Variants in STAG2 observed in about 807,000 individuals in gnomAD.
STAG2 encodes STAG2 cohesin complex component.
A neutral mutation model predicts 108.1 loss-of-function variants in STAG2; 14 were observed. The ratio of observed to expected loss-of-function variants is 0.13; its 90% CI spans 0.09 to 0.20. The LOEUF (loss-of-function observed/expected upper bound fraction) is 0.20, where lower values mean the gene tolerates loss of function less well. Among genes scored for constraint, STAG2 ranks in the 10% least tolerant of loss-of-function variants. The pLI, the probability that STAG2 is intolerant of heterozygous loss-of-function variation, is 1.00. For missense variants in STAG2, 440 were observed against 940.9 expected (o/e 0.47, Z 6.96); for synonymous variants, 307 against 302.7 (o/e 1.01, Z -0.15).
Position 124,052,819 on chromosome X carries a change from T to C in STAG2, c.1196+1425T>C, listed in dbSNP as rs780820530. 1.7e-4 allele frequency among the ~76,000 whole-genome samples: 18 copies of C among 108,842 alleles called. No individual in the cohort carries two copies. In the East Asian group the frequency reaches 2.9e-3, roughly 17 times the overall value. The allele number at this position is 108,842 out of a possible 115,157, so 94.5% of individuals were successfully genotyped here. ...AATGTACAAGATTTCCAATTTCTTT[T>C]TTTTTTTTTTTTCCTGAGATGGAGT... is the stretch of plus-strand genomic sequence containing the variant. On this transcript the variant is annotated intron_variant, in intron 13 of 34. Coordinates refer to ENST00000371145, the MANE Select transcript of STAG2 (RefSeq NM_001042750.2).
chrX:123,992,409 T>TA (rs1408835118), intron 1 of STAG2, among the ~76,000 whole-genome samples: 1 of 111,846 alleles, frequency 8.9e-6, no homozygotes, highest in African/African-American at 3.3e-5. Context: ...TGAAATCTCT[T>TA]AAAATTTTTA....
At chrX:124,027,915 T>A (rs1176409986) in intron 4 of STAG2, among the ~76,000 whole-genome samples, 2 of 111,556 alleles carry the variant, frequency 1.8e-5, no homozygotes, top group Admixed American at 1.9e-4. Context: ...TCCTTTGTTA[T>A]TATCACTCCT....
At chrX:123,979,915 A>C (rs1163613510) in intron 1 of STAG2, among the ~76,000 whole-genome samples, 8 of 111,792 alleles carry the variant, frequency 7.2e-5, no homozygotes, top group Non-Finnish European at 1.3e-4. Context: ...ACATATGTAC[A>C]TTTCTAGATA....
At chrX:124,024,165 G>A (rs1364839518) in intron 3 of STAG2, among the ~76,000 whole-genome samples, 2 of 110,458 alleles carry the variant, frequency 1.8e-5, no homozygotes, top group African/African-American at 6.6e-5. Flanking sequence ...CAAACCTCTA[G>A]TGCTTCACTC....
Position 124,065,974 on chromosome X carries a change from T to C in STAG2, c.2096+28T>C, listed in dbSNP as rs781352106. ...AAGTTGAATTTTGAAGTTCCTGTTT[T>C]CTTAAATCTGTAGAAATAAACTTGC... On this transcript the variant is annotated intron_variant, in intron 21 of 34. Transcript: ENST00000371145. The C allele has an allele frequency of 2.7e-6, 3 of 1,112,785 alleles. No homozygotes were observed. The African/African-American group carries it at 5.6e-5, about 21-fold the overall frequency. The allele number at this position is 1,112,785 out of a possible 1,213,427, so 91.7% of individuals were successfully genotyped here. A position where few individuals can be genotyped will look rare whatever the true frequency, so the allele number is the denominator to read the frequency against.
intron 1 of STAG2, among the ~76,000 whole-genome samples, chrX:123,977,615 G>A (rs1772487794): frequency 9.0e-6 from 1 of 110,502 alleles, no homozygotes; most frequent in Admixed American, 9.7e-5. Flanking sequence ...AATCCATTTC[G>A]TGACTCAGAA....
intron 29 of STAG2, among the ~76,000 whole-genome samples, chrX:124,084,882 A>G (rs1051175997): frequency 8.9e-6 from 1 of 112,210 alleles, no homozygotes; most frequent in African/African-American, 3.2e-5. Context: ...TGTTGGTGAC[A>G]GTACAAGACC....
chrX:124,022,016 C>A (rs1269187228), intron 2 of STAG2, among the ~76,000 whole-genome samples: 1 of 110,870 alleles, frequency 9.0e-6, no homozygotes, highest in African/African-American at 3.3e-5. Context: ...TTATAAGCTT[C>A]TTTTTCCCCT....
intron 27 of STAG2, 84 bp from the exon 28 acceptor site, chrX:124,081,296 A>G (rs1313239732): frequency 1.5e-6 from 1 of 682,401 alleles, no homozygotes. Flanking sequence ...GAACACCTGT[A>G]TTTTAAATGA....
intron 5 of STAG2, among the ~76,000 whole-genome samples, chrX:124,035,583 G>A (rs1305080027): frequency 8.9e-6 from 1 of 112,009 alleles, no homozygotes; most frequent in Non-Finnish European, 1.9e-5. Context: ...ACTTGTGTCT[G>A]CTTTATGATG....
intron 1 of STAG2, among the ~76,000 whole-genome samples, chrX:124,014,081 G>A (rs909712116): frequency 9.0e-6 from 1 of 111,248 alleles, no homozygotes; most frequent in Non-Finnish European, 1.9e-5. Flanking sequence ...TGGGGAAAGT[G>A]AGTAGACAAG....
intron 25 of STAG2, among the ~76,000 whole-genome samples, chrX:124,072,454 G>T (rs2058686390): frequency 9.0e-6 from 1 of 111,482 alleles, no homozygotes; most frequent in Admixed American, 9.6e-5. Flanking sequence ...GAAACCCAGA[G>T]TAGCCAAAAC....
At chrX:124,040,483 G>A (rs769761885) in intron 6 of STAG2, among the ~76,000 whole-genome samples, 2 of 110,235 alleles carry the variant, frequency 1.8e-5, no homozygotes, top group Non-Finnish European at 3.8e-5. Context: ...TCCTAATGGT[G>A]GCTTCATACC....
chrX:124,045,849 C>G (rs1264969929), intron 8 of STAG2, among the ~76,000 whole-genome samples: 1 of 110,633 alleles, frequency 9.0e-6, no homozygotes, highest in Non-Finnish European at 1.9e-5. Context: ...GATCCTGATG[C>G]CATTTAGTTT....
intron 17 of STAG2, 26 bp from the exon 18 acceptor site, chrX:124,062,876 A>C (rs376003261): frequency 4.6e-4 from 528 of 1,140,479 alleles, no homozygotes; most frequent in Non-Finnish European, 5.9e-4. Flanking sequence ...GGCTTAATAA[A>C]TACAGAAGTC....
chrX:124,082,922 A>G (rs2059000093), intron 28 of STAG2, among the ~76,000 whole-genome samples: 1 of 110,289 alleles, frequency 9.1e-6, no homozygotes, highest in African/African-American at 3.3e-5. Flanking sequence ...TTGGGTTGTT[A>G]TTTTGATGAA....
chrX:124,028,040 AG>A (rs1366372659), intron 4 of STAG2, among the ~76,000 whole-genome samples: 5 of 111,455 alleles, frequency 4.5e-5, no homozygotes, highest in Admixed American at 1.9e-4. Context: ...GCAAATATAC[AG>A]CTCCATGTTA....
chrX:124,083,198 G>A (rs1296826641), intron 28 of STAG2, among the ~76,000 whole-genome samples: 1 of 74,617 alleles, frequency 1.3e-5, no homozygotes, highest in Non-Finnish European at 3.2e-5. Flanking sequence ...AGTGGCGTGT[G>A]TGTGTGTTTG....
chrX:124,097,201 A>AAG (rs1375643321), intron 34 of STAG2, among the ~76,000 whole-genome samples: 5 of 107,749 alleles, frequency 4.6e-5, no homozygotes, highest in African/African-American at 1.7e-4. Context: ...AAAAAAAAAA[A>AAG]AAAGTAGAAT....
Sources: gnomAD v4.1 joint callset for allele counts (sites outside exome capture counted in the v4.1 genomes callset) on GRCh38, gnomAD v4.1.1 for gene constraint, MANE v1.5 for transcripts, NCBI Gene and HGNC (gene_info 2026-07-23, HGNC 2026-07-21) for gene names.